PRKG1: variants seen among roughly 807,000 people sequenced by gnomAD.
The protein encoded by PRKG1 is protein kinase cGMP-dependent 1, also known as cGMP-dependent protein kinase 1.
A neutral mutation model predicts 88.1 loss-of-function variants in PRKG1; 35 were observed. The observed-to-expected ratio is 0.40, with a 90% CI of 0.30 to 0.53. The LOEUF (loss-of-function observed/expected upper bound fraction) is 0.53. Ranked by LOEUF, PRKG1 falls within the 20% of genes least tolerant of loss-of-function variation. PRKG1 has a pLI of 0.59. For missense variants in PRKG1, 540 were observed against 839.8 expected, an observed-to-expected ratio of 0.64 and a Z score of 4.41; for synonymous variants, 303 against 292.5, an observed-to-expected ratio of 1.04 and a Z score of -0.37.
intron 2 of PRKG1, among the ~76,000 whole-genome samples, chr10:51,218,525 ATATAT>A: frequency 9.1e-6 from 1 of 110,490 alleles, no homozygotes; most frequent in African/African-American, 3.8e-5. Flanking sequence ...ATATATATAT[ATATAT>A]AAAATGTGTG....
At chr10:51,983,638 C>T (rs1844073518) in intron 5 of PRKG1, among the ~76,000 whole-genome samples, 1 of 152,166 alleles carries the variant, frequency 6.6e-6, no homozygotes, top group Admixed American at 6.5e-5. Flanking sequence ...ATGGGCATTC[C>T]TGGCTGTGTT....
At chr10:51,987,445 C>G (rs75777234) in intron 5 of PRKG1, among the ~76,000 whole-genome samples, 4,741 of 148,324 alleles carry the variant, frequency 0.032, 132 homozygotes, top group Non-Finnish European at 0.054. Flanking sequence ...CATGTAAAAT[C>G]TTCTACTCAT....
intron 5 of PRKG1, among the ~76,000 whole-genome samples, chr10:51,998,110 A>G (rs1488056990): frequency 6.6e-6 from 1 of 152,212 alleles, no homozygotes; most frequent in Admixed American, 6.5e-5. Context: ...AAATCATGAA[A>G]AGATGTGAAT....
intron 4 of PRKG1, among the ~76,000 whole-genome samples, chr10:51,855,604 A>G (rs974272710): frequency 3.3e-5 from 5 of 152,146 alleles, no homozygotes; most frequent in African/African-American, 9.7e-5. Context: ...CCAGGCAACA[A>G]ATTATTTTCT....
intron 3 of PRKG1, among the ~76,000 whole-genome samples, chr10:51,731,085 G>A (rs903591745): frequency 6.6e-6 from 1 of 152,126 alleles, no homozygotes; most frequent in Non-Finnish European, 1.5e-5. Flanking sequence ...GAACCCAGGA[G>A]ACAGAGGTTG....
At chr10:51,775,408 A>G (rs1359445377) in intron 3 of PRKG1, among the ~76,000 whole-genome samples, 2 of 152,080 alleles carry the variant, frequency 1.3e-5, no homozygotes, top group African/African-American at 4.8e-5. Flanking sequence ...ATGCTCCCCA[A>G]ATAACTTTCT....
rs1841650048 is a variant in PRKG1 at position 51,707,944 on chromosome 10, A to G, written c.593-96641A>G. 4.6e-5 allele frequency among the ~76,000 whole-genome samples: 7 copies of G among 152,338 alleles called. No individual in the cohort carries two copies. In the South Asian group the frequency reaches 1.5e-3, roughly 32 times the overall value. ...AACCTAAAATCTAATGTTTATAGGA[A>G]TGTAGTAGCTAGCATTTTATGGTAC... On this transcript the variant is annotated intron_variant, in intron 3 of 17. Transcript: ENST00000373980.
At chr10:52,195,610 CA>C (rs1839484181) in intron 9 of PRKG1, among the ~76,000 whole-genome samples, 1 of 152,158 alleles carries the variant, frequency 6.6e-6, no homozygotes, top group African/African-American at 2.4e-5. Context: ...TTCTTATTTA[CA>C]ACTCTTCAAA....
At chr10:51,613,720 A>G (rs1382469399) in intron 3 of PRKG1, among the ~76,000 whole-genome samples, 2 of 151,392 alleles carry the variant, frequency 1.3e-5, no homozygotes, top group African/African-American at 4.8e-5. Context: ...TTTTATTTTC[A>G]TATAAATTTT....
chr10:51,901,410 T>C (rs1468520796), intron 4 of PRKG1, among the ~76,000 whole-genome samples: 1 of 152,216 alleles, frequency 6.6e-6, no homozygotes, highest in Non-Finnish European at 1.5e-5. Flanking sequence ...GTCTTTGTTT[T>C]GAAGCTAAGC....
intron 4 of PRKG1, among the ~76,000 whole-genome samples, chr10:51,855,335 G>T (rs1840653727): frequency 6.6e-6 from 1 of 152,126 alleles, no homozygotes; most frequent in African/African-American, 2.4e-5. Context: ...AGAGTAACTG[G>T]AGATCTTCTT....
At chr10:51,466,905 A>G (rs1296200311) in intron 2 of PRKG1, among the ~76,000 whole-genome samples, 2 of 151,970 alleles carry the variant, frequency 1.3e-5, no homozygotes, top group Non-Finnish European at 2.9e-5. Flanking sequence ...AGGAGAGGAG[A>G]AGTCAGTCAA....
chr10:51,094,960 G>A (rs368424463), intron 1 of PRKG1, among the ~76,000 whole-genome samples: 57 of 152,200 alleles, frequency 3.7e-4, no homozygotes, highest in African/African-American at 1.3e-3. Flanking sequence ...AAGTCACAGC[G>A]TAGTATACAA....
chr10:51,429,571 T>C (rs1248483901), intron 2 of PRKG1, among the ~76,000 whole-genome samples: 1 of 152,016 alleles, frequency 6.6e-6, no homozygotes, highest in East Asian at 1.9e-4. Context: ...CTAAAAGAAA[T>C]CATGTTTAAA....
intron 3 of PRKG1, chr10:51,698,080 C>G (rs551079956): frequency 2.5e-6 from 4 of 1,614,090 alleles, no homozygotes; most frequent in Non-Finnish European, 3.4e-6. Flanking sequence ...GTCTGGGTCC[C>G]TGAGGAGGGC....
chr10:51,528,976 T>A (rs1017332270), intron 3 of PRKG1, among the ~76,000 whole-genome samples: 4 of 152,130 alleles, frequency 2.6e-5, no homozygotes, highest in African/African-American at 7.2e-5. Context: ...GCACAGGAAT[T>A]AACATGCAAA....
At chr10:52,159,461 C>G (rs1838222226) in intron 8 of PRKG1, among the ~76,000 whole-genome samples, 1 of 151,392 alleles carries the variant, frequency 6.6e-6, no homozygotes, top group Non-Finnish European at 1.5e-5. Flanking sequence ...GTGTTTTTTT[C>G]CAATCAAGCT....
chr10:51,000,038 C>G (rs1200075906), intron 1 of PRKG1, among the ~76,000 whole-genome samples: 2 of 152,168 alleles, frequency 1.3e-5, no homozygotes. Flanking sequence ...AAAACCAGTT[C>G]ACACTCCATT....
intron 1 of PRKG1, among the ~76,000 whole-genome samples, chr10:51,138,334 C>A (rs1396769861): frequency 6.6e-6 from 1 of 152,070 alleles, no homozygotes; most frequent in Non-Finnish European, 1.5e-5. Flanking sequence ...ATTTATAATG[C>A]AATTCTAAAC....
Sources: allele counts gnomAD v4.1 joint callset (sites outside exome capture counted in the v4.1 genomes callset), GRCh38; gene constraint gnomAD v4.1.1; transcripts MANE v1.5; gene names NCBI Gene and HGNC (gene_info 2026-07-23, HGNC 2026-07-21).